USP3: variants seen among roughly 807,000 people sequenced by gnomAD.
The protein encoded by USP3 is ubiquitin carboxyl-terminal hydrolase 3.
In USP3, 20 loss-of-function variants were observed where a neutral mutation model predicts 72.3. That is an observed-to-expected ratio of 0.28 (90% CI 0.19 to 0.40). The LOEUF (loss-of-function observed/expected upper bound fraction) is 0.40. Ranked by LOEUF, USP3 falls within the 10% of genes least tolerant of loss-of-function variation. The pLI is 1.00. For synonymous variants in USP3, 222 were observed against 225.3 expected (o/e 0.99, Z 0.13); for missense variants, 479 against 633.9 (o/e 0.76, Z 2.62).
intron 1 of USP3, among the ~76,000 whole-genome samples, chr15:63,523,199 A>G (rs1003182850): frequency 3.3e-5 from 5 of 152,154 alleles, no homozygotes; most frequent in South Asian, 2.1e-4. Context: ...TTTTGAGGGA[A>G]TGGAACTGAC....
At position 63,529,627 on chromosome 15, in the gene USP3, G is replaced by A. The variant is rs1159081485; in HGVS notation, c.92-3020G>A. 6.6e-6 allele frequency among the ~76,000 whole-genome samples: 1 copy of A among 152,152 alleles called. No individual in the cohort carries two copies. The highest frequency in any genetic ancestry group is 2.4e-5 in the African/African-American group (1 of 41,444). On this transcript the variant is annotated intron_variant, in intron 1 of 14. Transcript: ENST00000380324. This position sits in a 1 kb window ranked among gnomAD's most constrained non-coding sequence, Gnocchi z 4.2. ...TCTAAATGCAGGAACATGAAGAAAT[G>A]TGTTCATGCACCTTGAGTGGGGAAA...
At position 63,588,243 on chromosome 15, in the gene USP3, T is replaced by C. The variant is rs1375631596; in HGVS notation, c.1097-62T>C. On this transcript the variant is annotated intron_variant, in intron 11 of 14. Transcript: ENST00000380324. This position sits in a 1 kb window ranked among gnomAD's most constrained non-coding sequence, Gnocchi z 4.6. ...AGATTTTAAACCTGGGTCTTTTTTC[T>C]ACAGTACATTGCCTCTACAAAAGGC... The C allele has an allele frequency of 7.8e-7, 1 of 1,289,086 alleles. No homozygotes were observed. Among genetic ancestry groups the C allele is most frequent in the Admixed American group, 2.5e-5 (1 of 40,192 alleles). 79.9% of individuals were successfully genotyped at this position (1,289,086 alleles called of 1,614,324 possible).
At position 63,527,245 on chromosome 15, in the gene USP3, C is replaced by G. The variant is rs576727932; in HGVS notation, c.92-5402C>G. On this transcript the variant is annotated intron_variant, in intron 1 of 14. Transcript: ENST00000380324. Reference sequence around the variant, plus strand: ...TTAGAGGGGACATGATCATCACCTACTCTTCATTTTACACTAAGGAAATAG... The same window carrying G: ...TTAGAGGGGACATGATCATCACCTAGTCTTCATTTTACACTAAGGAAATAG... Among the ~76,000 whole-genome samples the G allele has an allele frequency of 3.9e-5, 6 of 152,320 alleles. No individual in the cohort carries two copies. In the South Asian group the frequency reaches 1.2e-3, roughly 32 times the overall value.
intron 1 of USP3, 35 bp downstream of exon 1, chr15:63,504,865 C>T (rs1382829953): frequency 3.9e-6 from 6 of 1,532,888 alleles, no homozygotes; most frequent in Non-Finnish European, 5.3e-6. Context: ...CGCAGCGCAC[C>T]CGAGGCCGCG....
intron 9 of USP3, among the ~76,000 whole-genome samples, chr15:63,572,801 G>A (rs1276994406): frequency 2.0e-5 from 3 of 152,212 alleles, no homozygotes; most frequent in African/African-American, 4.8e-5. Flanking sequence ...TAATAGACAA[G>A]TGTTCATGTA....
At chr15:63,556,774 A>G (rs371811021) in intron 5 of USP3, 26 bp downstream of exon 5, 63 of 1,452,604 alleles carry the variant, frequency 4.3e-5, no homozygotes, top group African/African-American at 7.2e-5. Flanking sequence ...TTATTCAAAT[A>G]TAAGAGTTAG....
Position 63,520,192 on chromosome 15 carries a change from A to G in USP3, c.92-12455A>G, listed in dbSNP as rs2065901241. ...GTCTGTGTGTATTTGTGTGTTTATC[A>G]CCATGATTTTATACTGATACCTACA... On this transcript the variant is annotated intron_variant, in intron 1 of 14. Transcript: ENST00000380324. Among the ~76,000 whole-genome samples, 4 of 152,256 alleles carry G rather than the reference A, an allele frequency of 2.6e-5. No homozygotes were observed. In the South Asian group the frequency reaches 8.3e-4, roughly 32 times the overall value.
intron 1 of USP3, among the ~76,000 whole-genome samples, chr15:63,519,004 A>T (rs1261791995): frequency 1.3e-5 from 2 of 152,146 alleles, no homozygotes; most frequent in Non-Finnish European, 2.9e-5. Flanking sequence ...TGACCTCATG[A>T]TCTGCCCGCC....
chr15:63,560,096 T>C (rs999592798), intron 7 of USP3, 126 bp downstream of exon 7: 2 of 789,574 alleles, frequency 2.5e-6, no homozygotes, highest in South Asian at 2.0e-5. Context: ...AAAAATTGTG[T>C]TTAAATATCT....
intron 7 of USP3, among the ~76,000 whole-genome samples, chr15:63,561,557 C>A (rs2066608158): frequency 6.6e-6 from 1 of 152,230 alleles, no homozygotes; most frequent in Admixed American, 6.5e-5. Context: ...GGATGGTGCT[C>A]TTTGCCCCCC....
chr15:63,533,748 G>A, intron 2 of USP3: 1 of 781,624 alleles, frequency 1.3e-6, no homozygotes, highest in Non-Finnish European at 1.8e-6. Context: ...GAGTACCTTT[G>A]GAAAATGTTA....
intron 1 of USP3, among the ~76,000 whole-genome samples, chr15:63,517,589 C>T (rs980768813): frequency 1.7e-4 from 26 of 152,168 alleles, no homozygotes; most frequent in Admixed American, 9.8e-4. Context: ...AGCAAGTCAC[C>T]TTCATTGGAG....
At chr15:63,558,055 A>C in intron 5 of USP3, 51 bp from the exon 6 acceptor site, 1 of 1,595,986 alleles carries the variant, frequency 6.3e-7, no homozygotes, top group Non-Finnish European at 8.6e-7. Context: ...TGTTTGAAAC[A>C]GTTGGCCTTC....
At chr15:63,520,554 ATTTTTTTTTT>A (rs35244583) in intron 1 of USP3, among the ~76,000 whole-genome samples, 8 of 105,424 alleles carry the variant, frequency 7.6e-5, no homozygotes, top group African/African-American at 1.1e-4. Flanking sequence ...TCTGTTTTAG[ATTTTTTTTTT>A]TTTTTTTTTT....
chr15:63,566,818 C>G (rs1056415965), intron 8 of USP3, among the ~76,000 whole-genome samples: 2 of 152,126 alleles, frequency 1.3e-5, no homozygotes, highest in Non-Finnish European at 2.9e-5. Flanking sequence ...TGAGGAAACT[C>G]AGTCATGATT....
chr15:63,549,386 CAGA>C (rs1214098418), intron 3 of USP3, among the ~76,000 whole-genome samples: 5 of 152,174 alleles, frequency 3.3e-5, no homozygotes, highest in Admixed American at 1.3e-4. Flanking sequence ...TGATTTGACT[CAGA>C]AGAAGTGCAG....
chr15:63,537,019 TG>T lies in USP3; in HGVS notation c.153-5del, dbSNP rs748980494. The T allele has an allele frequency of 1.3e-5, 21 of 1,606,496 alleles. No individual in the cohort carries two copies. The highest frequency in any genetic ancestry group is 1.7e-5 in the Non-Finnish European group (20 of 1,177,758). On this transcript the variant is annotated splice_polypyrimidine_tract_variant and splice_region_variant and intron_variant, in intron 2 of 14. Coordinates refer to ENST00000380324, the MANE Select transcript of USP3 (RefSeq NM_006537.4). ...TTAAAGTAAATTTTCATTTGGTTTT[TG>T]TAAGGTATGTGAATGGCCATGCAAA...
chr15:63,512,415 CTTTCTTT>C lies in USP3; in HGVS notation c.91+7588_91+7594del, dbSNP rs543280037. 1.9e-3 allele frequency among the ~76,000 whole-genome samples: 268 copies of C among 142,536 alleles called. 3 individuals are homozygous for C. Among genetic ancestry groups the C allele is most frequent in the Admixed American group, 3.4e-3 (48 of 14,110 alleles). The allele number at this position is 142,536 out of a possible 152,430, so 93.5% of individuals were successfully genotyped here. A position where few individuals can be genotyped will look rare whatever the true frequency, so the allele number is the denominator to read the frequency against. ...TCTTTCTTCCTTCTTCTTCTTTCTT[CTTTCTTT>C]TTCTTTCTTCTTTCTTCCTTCTTTT... On this transcript the variant is annotated intron_variant, in intron 1 of 14. Transcript: ENST00000380324.
intron 1 of USP3, among the ~76,000 whole-genome samples, chr15:63,525,936 T>C (rs1220970833): frequency 1.3e-5 from 2 of 152,218 alleles, no homozygotes; most frequent in Non-Finnish European, 2.9e-5. Flanking sequence ...TTTCATTGAT[T>C]ATAATTTTAC....
Sources: allele counts gnomAD v4.1 joint callset (sites outside exome capture counted in the v4.1 genomes callset), GRCh38; gene constraint gnomAD v4.1.1; non-coding constraint Gnocchi (gnomAD v3.1); transcripts MANE v1.5; gene names NCBI Gene and HGNC (gene_info 2026-07-23, HGNC 2026-07-21).